GRIK1: variants seen among roughly 807,000 people sequenced by gnomAD.
GRIK1 encodes the protein glutamate receptor ionotropic, kainate 1.
A neutral mutation model predicts 105.7 loss-of-function variants in GRIK1; 69 were observed. That is an observed-to-expected ratio of 0.65 (90% confidence interval 0.54 to 0.80). GRIK1 has a LOEUF of 0.80. GRIK1 is among the 30% of genes least tolerant of loss of function. GRIK1 has a pLI of 0.00. For synonymous variants in GRIK1, 438 were observed against 431.3 expected, an observed-to-expected ratio of 1.02 and a Z score of -0.19; for missense variants, 1,109 against 1,167.3, an observed-to-expected ratio of 0.95 and a Z score of 0.73.
chr21:29,554,926 C>A lies in GRIK1; in HGVS notation c.2607+126G>T, dbSNP rs930228461. The A allele has an allele frequency of 2.4e-5, 18 of 735,656 alleles. No individual in the cohort carries two copies. In the African/African-American group the frequency reaches 2.8e-4, roughly 12 times the overall value. 45.6% of individuals were successfully genotyped at this position (735,656 alleles called of 1,614,324 possible). On this transcript the variant is annotated intron_variant, in intron 16 of 17. Transcript: ENST00000327783. ...GATTCAATAGCTCTCTGCTCTAACT[C>A]AAAAATGGCTCTTCTGGGCATCTAA...
chr21:29,687,705 G>C (rs779181666), intron 3 of GRIK1, among the ~76,000 whole-genome samples: 2 of 152,206 alleles, frequency 1.3e-5, no homozygotes, highest in Non-Finnish European at 1.5e-5. Flanking sequence ...TTGAAAAATG[G>C]ATGTCACATA....
In GRIK1 at chr21:29,598,944, A is replaced by G. The variant is rs376547547; in HGVS notation, c.1099-7T>C. 5.2e-6 allele frequency: 7 copies of G among 1,355,040 alleles called. No individual in the cohort carries two copies. The highest frequency in any genetic ancestry group is 2.0e-5 in the Admixed American group (1 of 49,756). 83.9% of individuals were successfully genotyped at this position (1,355,040 alleles called of 1,614,324 possible). A position where few individuals can be genotyped will look rare whatever the true frequency, so the allele number is the denominator to read the frequency against. On this transcript the variant is annotated splice_region_variant and splice_polypyrimidine_tract_variant and intron_variant, in intron 7 of 17. Transcript: ENST00000327783. Reference sequence around the variant, plus strand: ...TCAAGCCATCCCACCGGGCCTGTGGACAAGAAGAAATGTGGCTGTTATTGT... The same window carrying G: ...TCAAGCCATCCCACCGGGCCTGTGGGCAAGAAGAAATGTGGCTGTTATTGT...
chr21:29,740,882 G>C (rs1601575827), intron 1 of GRIK1, among the ~76,000 whole-genome samples: 1 of 152,240 alleles, frequency 6.6e-6, no homozygotes, highest in East Asian at 1.9e-4. Context: ...AGGGAGGGAA[G>C]GGCAATTCAC....
chr21:29,560,395 TCC>T lies in GRIK1; in HGVS notation c.2356+1227_2356+1228del, dbSNP rs1491386117. Among the ~76,000 whole-genome samples the T allele has an allele frequency of 9.2e-3, 819 of 89,250 alleles. 101 individuals carry two copies. Among genetic ancestry groups the T allele is most frequent in the Middle Eastern group, 0.017 (3 of 180 alleles). 58.6% of individuals were successfully genotyped at this position (89,250 alleles called of 152,430 possible). On this transcript the variant is annotated intron_variant, in intron 15 of 17. Transcript: ENST00000327783. ...TTCCTTCCTTCCTTCCTTCCTTCCT[TCC>T]TTCCTTTCTTTCTTTCTTTCTTTCT...
chr21:29,734,151 G>C (rs2064708764), intron 1 of GRIK1, among the ~76,000 whole-genome samples: 2 of 151,958 alleles, frequency 1.3e-5, no homozygotes, highest in East Asian at 3.9e-4. Flanking sequence ...TATTTAATCT[G>C]AAGAGGCTTA....
At chr21:29,604,583 T>A (rs765822861) in intron 7 of GRIK1, among the ~76,000 whole-genome samples, 9 of 152,200 alleles carry the variant, frequency 5.9e-5, no homozygotes, top group Non-Finnish European at 1.3e-4. Flanking sequence ...ACAATTTAGA[T>A]AATGATATAT....
chr21:29,772,146 A>G (rs2065829613), intron 1 of GRIK1, among the ~76,000 whole-genome samples: 1 of 152,080 alleles, frequency 6.6e-6, no homozygotes, highest in Non-Finnish European at 1.5e-5. Context: ...TTTTCACTTC[A>G]TTGAATCTTT....
chr21:29,762,258 A>G (rs1386414910), intron 1 of GRIK1, among the ~76,000 whole-genome samples: 1 of 152,240 alleles, frequency 6.6e-6, no homozygotes, highest in African/African-American at 2.4e-5. Flanking sequence ...CTTTCCAGGA[A>G]GGCATCATCA....
chr21:29,841,274 A>G (rs1331142592), intron 1 of GRIK1, among the ~76,000 whole-genome samples: 2 of 152,194 alleles, frequency 1.3e-5, no homozygotes, highest in African/African-American at 4.8e-5. Flanking sequence ...TAAGCAACTG[A>G]ATGCTTCTAA....
chr21:29,926,061 A>G (rs1315167619), intron 1 of GRIK1, among the ~76,000 whole-genome samples: 2 of 151,836 alleles, frequency 1.3e-5, no homozygotes, highest in Non-Finnish European at 2.9e-5. Flanking sequence ...TCACTCAAGT[A>G]ACTGTAGGAT....
At position 29,631,203 on chromosome 21, in the gene GRIK1, C is replaced by T. The variant is rs1051148136; in HGVS notation, c.1098+11623G>A. 3.3e-5 allele frequency among the ~76,000 whole-genome samples: 5 copies of T among 152,150 alleles called. No homozygotes were observed. In the East Asian group the frequency reaches 9.6e-4, roughly 29 times the overall value. Reference sequence around the variant, plus strand: ...GCAGTCCTACTTCTAGGTGTATGGTCTCAAGCTGGGTTGTTGTTACAGATT... The same window carrying T: ...GCAGTCCTACTTCTAGGTGTATGGTTTCAAGCTGGGTTGTTGTTACAGATT... On this transcript the variant is annotated intron_variant, in intron 7 of 17. Transcript: ENST00000327783.
intron 1 of GRIK1, among the ~76,000 whole-genome samples, chr21:29,821,832 A>G (rs1363895107): frequency 6.6e-6 from 1 of 152,020 alleles, no homozygotes; most frequent in Non-Finnish European, 1.5e-5. Context: ...ATAGACTAGT[A>G]TCTATTTTAT....
chr21:29,550,300 T>A (rs1366672275), intron 16 of GRIK1, among the ~76,000 whole-genome samples: 1 of 152,086 alleles, frequency 6.6e-6, no homozygotes, highest in East Asian at 1.9e-4. Context: ...CTGTGCAGGT[T>A]TTTCCTGAAT....
intron 7 of GRIK1, among the ~76,000 whole-genome samples, chr21:29,616,666 C>CA (rs1188890083): frequency 6.6e-6 from 1 of 152,142 alleles, no homozygotes; most frequent in Non-Finnish European, 1.5e-5. Context: ...GGAAAAGAGT[C>CA]AAATAAATCC....
At chr21:29,857,702 G>A (rs748589295) in intron 1 of GRIK1, among the ~76,000 whole-genome samples, 1 of 152,076 alleles carries the variant, frequency 6.6e-6, no homozygotes, top group Non-Finnish European at 1.5e-5. Context: ...AGGATAATAA[G>A]CTGCTTCATT....
At chr21:29,665,305 T>A (rs532853711) in intron 4 of GRIK1, among the ~76,000 whole-genome samples, 4 of 152,322 alleles carry the variant, frequency 2.6e-5, no homozygotes, top group African/African-American at 9.6e-5. Flanking sequence ...CTCGTAACTA[T>A]GAACCGCTCC....
Position 29,553,628 on chromosome 21 carries a change from G to A in GRIK1, c.2607+1424C>T, listed in dbSNP as rs201275102. 1.4e-4 allele frequency: 220 copies of A among 1,607,204 alleles called. 1 individual carries two copies. In the African/African-American group the frequency reaches 2.3e-3, roughly 17 times the overall value. On this transcript the variant is annotated intron_variant, in intron 16 of 17. Transcript: ENST00000327783. ...AATTAATTTACCACATTCTAAATCC[G>A]TAGATAAAGTAGTTCCAGAAGTGGA...
At chr21:29,767,346 G>A (rs1601641761) in intron 1 of GRIK1, among the ~76,000 whole-genome samples, 1 of 151,904 alleles carries the variant, frequency 6.6e-6, no homozygotes, top group East Asian at 1.9e-4. Context: ...CCTCTTAATG[G>A]GATCTGCAAT....
At chr21:29,763,472 A>G (rs2065580642) in intron 1 of GRIK1, 1 of 152,338 alleles carries the variant, frequency 6.6e-6, no homozygotes, top group South Asian at 2.1e-4. Flanking sequence ...AGCTCTGTCC[A>G]ATGGTGGTCA....
Sources: allele counts gnomAD v4.1 joint callset (sites outside exome capture counted in the v4.1 genomes callset), GRCh38; gene constraint gnomAD v4.1.1; transcripts MANE v1.5; gene names NCBI Gene and HGNC (gene_info 2026-07-23, HGNC 2026-07-21).